MSL3: variants seen among roughly 807,000 people sequenced by gnomAD.
MSL3 encodes MSL complex subunit 3.
In MSL3, 5 loss-of-function variants were observed where a neutral mutation model predicts 37.2. The ratio of observed to expected loss-of-function variants is 0.13; its 90% CI spans 0.07 to 0.28. The LOEUF (loss-of-function observed/expected upper bound fraction) is 0.28, where lower values mean the gene tolerates loss of function less well. Among genes scored for constraint, MSL3 ranks in the 10% least tolerant of loss-of-function variants. The pLI is 1.00. For missense variants in MSL3, 315 were observed against 408.5 expected (o/e 0.77, Z 1.97); for synonymous variants, 149 against 147.6 (o/e 1.01, Z -0.07).
chrX:11,765,924 T>A (rs2053178767), intron 9 of MSL3, 195 bp downstream of exon 9: 2 of 1,082,555 alleles, frequency 1.8e-6, no homozygotes, highest in Admixed American at 3.4e-5. Context: ...GCAGCGCAGC[T>A]GTGTTGGAGG....
Position 11,768,638 on chromosome X carries a change from G to A in MSL3, c.1237G>A (p.Val413Met). Residue 413 changes from valine (V) to methionine (M), a missense_variant, in exon 10 of 13, where the codon GTG (valine) becomes ATG (methionine). Val to Met is a conservative substitution (Grantham distance 21). Transcript: ENST00000312196. ...PLTPSKEGSA[V>M]FAGFEGRRTN... The stretch of plus-strand genomic sequence containing the variant: ...GACTCCTAGCAAGGAAGGGAGTGCT[G>A]TGTTTGCTGGCTTTGAAGGGAGAAG... 1.7e-6 allele frequency: 2 copies of A among 1,207,092 alleles called. No individual in the cohort carries two copies. Among genetic ancestry groups the A allele is most frequent in the Non-Finnish European group, 2.2e-6 (2 of 891,056 alleles).
At chrX:11,759,998 C>T in intron 2 of MSL3, 123 bp downstream of exon 2, 1 of 798,614 alleles carries the variant, frequency 1.3e-6, no homozygotes, top group Non-Finnish European at 1.7e-6. Flanking sequence ...TACTTTGTAG[C>T]ATTGCAAACT....
chrX:11,770,796 T>G (rs2053225990), intron 10 of MSL3, among the ~76,000 whole-genome samples: 1 of 111,836 alleles, frequency 8.9e-6, no homozygotes, highest in Non-Finnish European at 1.9e-5. Flanking sequence ...CAGAATTGAG[T>G]GAGTGAGATA....
Position 11,765,483 on chromosome X carries a change from T to C in MSL3, c.925T>C (p.Ser309Pro). ...CTTCCCTAGGAGCCAGGAGGAACTCTCTCCCAGTCCGCCTTTGTTGAATCC... is the reference window on the plus strand; with the variant it reads ...CTTCCCTAGGAGCCAGGAGGAACTCCCTCCCAGTCCGCCTTTGTTGAATCC... Reference protein sequence around the residue: ...TSTNRSQEELSPSPPLLNPST... With the variant: ...TSTNRSQEELPPSPPLLNPST... Residue 309 changes from serine (S) to proline (P), a missense_variant, in exon 9 of 13, where the codon TCT (serine) becomes CCT (proline). Transcript: ENST00000312196. 1 of 1,191,717 alleles carries C rather than the reference T, an allele frequency of 8.4e-7. No individual in the cohort carries two copies. The highest frequency in any genetic ancestry group is 1.8e-5 in the South Asian group (1 of 55,385).
At chrX:11,767,870 G>A in intron 9 of MSL3, 1 of 753,804 alleles carries the variant, frequency 1.3e-6, no homozygotes, top group African/African-American at 2.3e-5. Context: ...TATGTAAGTG[G>A]TTAATAAGGA....
At chrX:11,769,243 T>C (rs2053211728) in intron 10 of MSL3, 1 of 113,316 alleles carries the variant, frequency 8.8e-6, no homozygotes, top group South Asian at 3.7e-4. Flanking sequence ...GGCTGTAGTT[T>C]GCTGACTCCT....
At chrX:11,765,070 C>A (rs1354110989) in intron 8 of MSL3, among the ~76,000 whole-genome samples, 2 of 112,817 alleles carry the variant, frequency 1.8e-5, no homozygotes, top group Non-Finnish European at 3.7e-5. Flanking sequence ...GTTTCTCAGC[C>A]TCGGCCCTAT....
intron 3 of MSL3, 46 bp downstream of exon 3, chrX:11,760,544 C>A (rs1246729385): frequency 1.1e-6 from 1 of 948,949 alleles, no homozygotes; most frequent in East Asian, 3.2e-5. Flanking sequence ...AATGTGTTTT[C>A]TCTTAGTGTT....
intron 1 of MSL3, chrX:11,759,408 G>T (rs1320088208): frequency 6.4e-6 from 1 of 155,829 alleles, no homozygotes; most frequent in Non-Finnish European, 1.2e-5. Context: ...ACACAACAGG[G>T]AGGGATTCCA....
At chrX:11,763,697 A>T in intron 7 of MSL3, 83 bp from the exon 8 acceptor site, 1 of 826,304 alleles carries the variant, frequency 1.2e-6, no homozygotes, top group Non-Finnish European at 1.7e-6. Flanking sequence ...AAACTGCCCT[A>T]TTAAAAATCG....
At chrX:11,758,739 G>T (rs746258665) in intron 1 of MSL3, 1 of 1,165,487 alleles carries the variant, frequency 8.6e-7, no homozygotes, top group South Asian at 1.9e-5. Flanking sequence ...GGTGCCGGGT[G>T]GGCTCCTGTG....
At position 11,772,222 on chromosome X, in the gene MSL3, A is replaced by G; in HGVS notation, c.1348A>G (p.Ile450Val). The G allele has an allele frequency of 1.7e-6, 2 of 1,207,570 alleles. No homozygotes were observed. The highest frequency in any genetic ancestry group is 1.1e-6 in the Non-Finnish European group (1 of 892,430). ...PGDQPPPPSY[I>V]YGAQHLLRLF... ...TGACCAGCCGCCTCCACCCTCTTAC[A>G]TTTATGGGGCACAACATTTGCTGCG... The change falls in exon 11 of 13, where the codon ATT (isoleucine) becomes GTT (valine). Residue 450 changes from isoleucine to valine, a missense_variant. Transcript: ENST00000312196.
rs760763291 is a variant in MSL3 at position 11,762,944 on chromosome X, T to A, written c.696T>A (p.His232Gln). 2.5e-6 allele frequency: 3 copies of A among 1,211,153 alleles called. No individual in the cohort carries two copies. The highest frequency in any genetic ancestry group is 3.4e-6 in the Non-Finnish European group (3 of 895,146). Residue 232 changes from histidine (H) to glutamine (Q), a missense_variant, in exon 7 of 13, where the codon CAT becomes CAA. Transcript: ENST00000312196. ...CAGCCAATGAGAGGCCTCGTCACCA[T>A]CACGTTATGCCACATGCCAACATGA... ...AFSANERPRHHHVMPHANMNV... is the reference protein window; with the variant it reads ...AFSANERPRHQHVMPHANMNV...
At chrX:11,766,383 T>C in intron 9 of MSL3, 1 of 754,191 alleles carries the variant, frequency 1.3e-6, no homozygotes, top group Non-Finnish European at 1.6e-6. Flanking sequence ...TTTCAAAAAC[T>C]GCTAAAACAG....
In MSL3 at chrX:11,760,840, G is replaced by A. The variant is rs1339415471; in HGVS notation, c.285G>A (p.Arg95=). 8.4e-7 allele frequency: 1 copy of A among 1,189,855 alleles called. No individual in the cohort carries two copies. The highest frequency in any genetic ancestry group is 1.1e-6 in the Non-Finnish European group (1 of 884,042). ...GTTGTTTGCTACTCTTTTTCAGGAG[G>A]AGCACAGGAAGAAAGAAGAAGCGCT... ...KLARKAVARL[R]STGRKKKRCR... The change falls in exon 4 of 13, where the codon AGG becomes AGA. Residue 95 remains arginine, a synonymous_variant. Coordinates refer to ENST00000312196, the MANE Select transcript of MSL3 (RefSeq NM_078629.4).
At chrX:11,768,181 C>G (rs771497449) in intron 9 of MSL3, 20 of 131,349 alleles carry the variant, frequency 1.5e-4, no homozygotes, top group Non-Finnish European at 2.5e-4. Flanking sequence ...TTCAGCACCC[C>G]CCCACGAGAA....
rs1408829544 is a variant in MSL3 at position 11,772,547 on chromosome X, C to A, written c.1382-74C>A. 5.5e-6 allele frequency: 4 copies of A among 728,679 alleles called. No individual in the cohort carries two copies. The African/African-American group carries it at 8.5e-5, about 15-fold the overall frequency. 60.1% of individuals were successfully genotyped at this position (728,679 alleles called of 1,213,427 possible). A position where few individuals can be genotyped will look rare whatever the true frequency, so the allele number is the denominator to read the frequency against. On this transcript the variant is annotated intron_variant, in intron 11 of 12. Transcript: ENST00000312196. Reference sequence around the variant, plus strand: ...CAGTAGAGATAAGGAGGGGCCCAGACCTTCCCTGAGTGAATCCTATGCATT... The same window carrying A: ...CAGTAGAGATAAGGAGGGGCCCAGAACTTCCCTGAGTGAATCCTATGCATT...
intron 9 of MSL3, chrX:11,766,339 A>G: frequency 1.3e-6 from 1 of 752,358 alleles, no homozygotes; most frequent in Non-Finnish European, 1.6e-6. Flanking sequence ...TATAAAACTT[A>G]GAAGTAAACC....
At chrX:11,759,665 A>G (rs2053110471) in intron 1 of MSL3, 128 bp from the exon 2 acceptor site, 1 of 1,128,728 alleles carries the variant, frequency 8.9e-7, no homozygotes, top group African/African-American at 1.8e-5. Context: ...AAATATTTCA[A>G]CCCGGCTGTC....
Sources: gnomAD v4.1 joint callset for allele counts (sites outside exome capture counted in the v4.1 genomes callset) on GRCh38, gnomAD v4.1.1 for gene constraint, MANE v1.5 for transcripts, NCBI Gene and HGNC (gene_info 2026-07-23, HGNC 2026-07-21) for gene names.